The following CMSS1 variants were observed in gnomAD, a reference collection of about 807,000 sequenced individuals.
CMSS1 encodes the protein protein CMSS1.
Under a neutral mutation model 43.5 loss-of-function variants are expected in CMSS1, and 33 were observed. The observed-to-expected ratio is 0.76, with a 90% CI of 0.57 to 1.01. The LOEUF (loss-of-function observed/expected upper bound fraction) is 1.01, where lower values mean the gene tolerates loss of function less well. Ranked by LOEUF, CMSS1 falls within the 50% of genes least tolerant of loss-of-function variation. The pLI is 0.00. For synonymous variants in CMSS1, 115 were observed against 117.2 expected (o/e 0.98, Z 0.12); for missense variants, 313 against 326.4 (o/e 0.96, Z 0.32).
intron 1 of CMSS1, among the ~76,000 whole-genome samples, chr3:99,945,519 A>G (rs774336344): frequency 6.6e-6 from 1 of 152,162 alleles, no homozygotes; most frequent in Non-Finnish European, 1.5e-5. Flanking sequence ...AAATAAATGG[A>G]TGTCAGAAGC....
At chr3:100,150,548 C>T (rs1156946993) in intron 2 of CMSS1, among the ~76,000 whole-genome samples, 2 of 152,154 alleles carry the variant, frequency 1.3e-5, no homozygotes, top group Non-Finnish European at 2.9e-5. Flanking sequence ...CATAGCTGGG[C>T]CTCACATTTC....
At chr3:99,997,844 TGCTC>T (rs1026237065) in intron 1 of CMSS1, among the ~76,000 whole-genome samples, 3 of 152,248 alleles carry the variant, frequency 2.0e-5, no homozygotes, top group Admixed American at 1.3e-4. Context: ...ACATAAGTCA[TGCTC>T]TTATTACACA....
chr3:100,100,421 T>C (rs1359778146), intron 1 of CMSS1, among the ~76,000 whole-genome samples: 1 of 152,210 alleles, frequency 6.6e-6, no homozygotes, highest in Non-Finnish European at 1.5e-5. Flanking sequence ...GTAATTACTA[T>C]CATCTGGATT....
chr3:99,898,165 T>TA (rs1706319960), intron 1 of CMSS1: 1 of 152,246 alleles, frequency 6.6e-6, no homozygotes, highest in African/African-American at 2.4e-5. Context: ...TTAGATATGA[T>TA]ACAATATTTT....
chr3:99,876,874 T>A (rs773720553), intron 1 of CMSS1, among the ~76,000 whole-genome samples: 54 of 152,300 alleles, frequency 3.5e-4, no homozygotes, highest in South Asian at 1.7e-3. Flanking sequence ...AGGGAAAAAA[T>A]TTTTAAAGAA....
Position 100,102,546 on chromosome 3 carries a change from A to G in CMSS1, c.65-44427A>G, listed in dbSNP as rs933984040. 2.6e-4 allele frequency among the ~76,000 whole-genome samples: 40 copies of G among 152,184 alleles called. 1 individual carries two copies. The highest frequency in any genetic ancestry group is 6.8e-3 in the Middle Eastern group (2 of 294). ...ATTTTATCTGTACGTCTCTTGTAACACTTTTTATATTCCATATTGTTTTAT... is the reference window on the plus strand; with the variant it reads ...ATTTTATCTGTACGTCTCTTGTAACGCTTTTTATATTCCATATTGTTTTAT... On this transcript the variant is annotated intron_variant, in intron 1 of 9. Transcript: ENST00000421999.
At chr3:99,863,996 CA>C (rs1944386411) in intron 1 of CMSS1, among the ~76,000 whole-genome samples, 1 of 152,176 alleles carries the variant, frequency 6.6e-6, no homozygotes, top group South Asian at 2.1e-4. Flanking sequence ...TAAAAATAAA[CA>C]TGGTTGCTAA....
At chr3:99,974,929 C>T (rs182392145) in intron 1 of CMSS1, among the ~76,000 whole-genome samples, 8 of 152,218 alleles carry the variant, frequency 5.3e-5, no homozygotes, top group Admixed American at 3.3e-4. Flanking sequence ...TAAACCTGGG[C>T]GTGTTATTTG....
chr3:100,107,021 A>G (rs2066407393), intron 1 of CMSS1, among the ~76,000 whole-genome samples: 1 of 152,182 alleles, frequency 6.6e-6, no homozygotes, highest in Non-Finnish European at 1.5e-5. Flanking sequence ...AAGAATAAAT[A>G]CTTATGGATT....
At chr3:99,830,060 T>C (rs1033909959) in intron 1 of CMSS1, 1 of 154,018 alleles carries the variant, frequency 6.5e-6, no homozygotes, top group Non-Finnish European at 1.5e-5. Context: ...CAAAGTTCTG[T>C]AGAATGAAGA....
At chr3:99,967,728 A>G (rs1239338675) in intron 1 of CMSS1, among the ~76,000 whole-genome samples, 3 of 152,188 alleles carry the variant, frequency 2.0e-5, no homozygotes, top group African/African-American at 7.2e-5. Flanking sequence ...AATGACACTA[A>G]TGGATCCCAG....
At chr3:100,044,027 T>C (rs1448951869) in intron 1 of CMSS1, among the ~76,000 whole-genome samples, 1 of 152,224 alleles carries the variant, frequency 6.6e-6, no homozygotes, top group Non-Finnish European at 1.5e-5. Flanking sequence ...TCCTTCTGTT[T>C]GAAGGCTAGC....
intron 1 of CMSS1, among the ~76,000 whole-genome samples, chr3:100,037,108 T>C (rs942527225): frequency 3.3e-5 from 5 of 152,202 alleles, no homozygotes; most frequent in Non-Finnish European, 7.4e-5. Context: ...AGAACAGTAT[T>C]GGGACAATTG....
At chr3:99,980,481 C>A (rs1709090402) in intron 1 of CMSS1, among the ~76,000 whole-genome samples, 1 of 152,106 alleles carries the variant, frequency 6.6e-6, no homozygotes, top group South Asian at 2.1e-4. Flanking sequence ...CCACAGAAAC[C>A]ATCTGGTAGT....
chr3:100,139,208 G>A (rs867123701), intron 1 of CMSS1, among the ~76,000 whole-genome samples: 5 of 152,090 alleles, frequency 3.3e-5, no homozygotes, highest in South Asian at 2.1e-4. Flanking sequence ...AGGGGTGAAG[G>A]GAGGGAACTT....
rs1241044485 is a variant in CMSS1 at position 99,818,063 on chromosome 3, G to T, written c.64+20G>T. 1 of 1,609,968 alleles carries T rather than the reference G, an allele frequency of 6.2e-7. No homozygotes were observed. The highest frequency in any genetic ancestry group is 1.1e-5 in the South Asian group (1 of 90,876). Reference sequence around the variant, plus strand: ...GCCCAGGTACCCACTCTGTGCCCGCGCTCCTACGGGGCCTCTCCCGGAGCC... The same window carrying T: ...GCCCAGGTACCCACTCTGTGCCCGCTCTCCTACGGGGCCTCTCCCGGAGCC... On this transcript the variant is annotated intron_variant, in intron 1 of 9. Coordinates refer to ENST00000421999, the MANE Select transcript of CMSS1 (RefSeq NM_032359.4).
At chr3:100,155,657 A>G (rs1327435924) in intron 2 of CMSS1, among the ~76,000 whole-genome samples, 1 of 152,128 alleles carries the variant, frequency 6.6e-6, no homozygotes, top group African/African-American at 2.4e-5. Context: ...TTCACCCTTT[A>G]TATTCTGAAA....
chr3:99,956,825 C>G (rs1191753182), intron 1 of CMSS1, among the ~76,000 whole-genome samples: 1 of 152,172 alleles, frequency 6.6e-6, no homozygotes, highest in Non-Finnish European at 1.5e-5. Context: ...CCCACTCTGC[C>G]AGTTTCTCTT....
At chr3:99,958,148 C>T (rs1036144829) in intron 1 of CMSS1, among the ~76,000 whole-genome samples, 3 of 149,098 alleles carry the variant, frequency 2.0e-5, no homozygotes, top group Admixed American at 1.3e-4. Context: ...TGAATCTGTG[C>T]CGTGGTGGTT....
Sources: gnomAD v4.1 joint callset for allele counts (sites outside exome capture counted in the v4.1 genomes callset) on GRCh38, gnomAD v4.1.1 for gene constraint, MANE v1.5 for transcripts, NCBI Gene and HGNC (gene_info 2026-07-23, HGNC 2026-07-21) for gene names.